PPHLN1: variants seen among roughly 807,000 people sequenced by gnomAD.
PPHLN1 encodes periphilin 1, also known as periphilin-1.
Under a neutral mutation model 51.3 loss-of-function variants are expected in PPHLN1, and 29 were observed. The ratio of observed to expected loss-of-function variants is 0.57; its 90% CI spans 0.42 to 0.77. PPHLN1 has a LOEUF of 0.77. Ranked by LOEUF, PPHLN1 falls within the 30% of genes least tolerant of loss-of-function variation. The pLI, the probability that PPHLN1 is intolerant of heterozygous loss-of-function variation, is 0.00. For synonymous variants in PPHLN1, 147 were observed against 147.8 expected (o/e 0.99, Z 0.04); for missense variants, 436 against 438.4 (o/e 0.99, Z 0.05).
intron 9 of PPHLN1, 56 bp from the exon 10 acceptor site, chr12:42,441,259 A>G: frequency 2.0e-6 from 3 of 1,511,226 alleles, no homozygotes; most frequent in Non-Finnish European, 2.7e-6. Context: ...CAGTTAGCTA[A>G]GTATTTGGCT....
At chr12:42,425,493 TCTC>T (rs2081377266) in intron 9 of PPHLN1, among the ~76,000 whole-genome samples, 1 of 151,954 alleles carries the variant, frequency 6.6e-6, no homozygotes, top group African/African-American at 2.4e-5. Flanking sequence ...TTCAAGCAGT[TCTC>T]CTCCCTCAGC....
intron 2 of PPHLN1, among the ~76,000 whole-genome samples, chr12:42,345,091 A>G (rs779425375): frequency 1.7e-4 from 26 of 152,324 alleles, no homozygotes; most frequent in Middle Eastern, 3.4e-3. Flanking sequence ...AAATGAAAGC[A>G]TTTCCTGTAA....
rs1156422578 is a variant in PPHLN1, at chr12:42,355,190, C to T, written c.267C>T (p.Asp89=). 14 of 1,613,422 alleles carry T rather than the reference C, an allele frequency of 8.7e-6. No homozygotes were observed. The highest frequency in any genetic ancestry group is 6.7e-5 in the African/African-American group (5 of 74,876). ...GDESGYRWTR[D]DHSASRQPEY... is the part of the protein sequence containing the mutation. ...AATCTGGTTATAGATGGACAAGAGA[C>T]GATCATTCTGCAAGCAGGCAACCTG... The change falls in exon 4 of 10, where the codon GAC becomes GAT. Residue 89 remains aspartate, a synonymous_variant. Coordinates refer to ENST00000358314, the MANE Select transcript of PPHLN1 (RefSeq NM_201439.2).
chr12:42,398,573 A>C (rs935272390), intron 8 of PPHLN1: 5 of 254,562 alleles, frequency 2.0e-5, no homozygotes, highest in African/African-American at 1.1e-4. Context: ...ACATGCACTA[A>C]AAATTGGAAT....
At chr12:42,363,833 G>C (rs2074976723) in intron 4 of PPHLN1, among the ~76,000 whole-genome samples, 1 of 151,980 alleles carries the variant, frequency 6.6e-6, no homozygotes, top group Non-Finnish European at 1.5e-5. Flanking sequence ...ATTTCATTTT[G>C]TATCAAAGAA....
At chr12:42,384,838 C>T in intron 5 of PPHLN1, 102 bp from the exon 6 acceptor site, 2 of 1,126,294 alleles carry the variant, frequency 1.8e-6, no homozygotes, top group Non-Finnish European at 2.6e-6. Context: ...AGAAAATGCT[C>T]AGAAGCCCCT....
At chr12:42,388,458 T>C (rs2139081366) in intron 7 of PPHLN1, among the ~76,000 whole-genome samples, 1 of 152,310 alleles carries the variant, frequency 6.6e-6, no homozygotes, top group East Asian at 1.9e-4. Context: ...TCACATGTTT[T>C]CTTGCTGACC....
At chr12:42,338,352 G>A (rs1014933163) in intron 2 of PPHLN1, among the ~76,000 whole-genome samples, 19 of 152,220 alleles carry the variant, frequency 1.2e-4, no homozygotes, top group African/African-American at 4.6e-4. Context: ...GGGAAAGCAG[G>A]TTATTGTATC....
At chr12:42,347,659 A>G (rs1458393091) in intron 2 of PPHLN1, among the ~76,000 whole-genome samples, 1 of 152,180 alleles carries the variant, frequency 6.6e-6, no homozygotes, top group African/African-American at 2.4e-5. Context: ...ATGCACCTGT[A>G]ATCCCAACTA....
chr12:42,355,265 C>A (rs754086289), intron 4 of PPHLN1, 43 bp downstream of exon 4: 2 of 1,520,054 alleles, frequency 1.3e-6, no homozygotes. Context: ...TGATACTTGA[C>A]TCACTGTGAT....
intron 2 of PPHLN1, 29 bp downstream of exon 2, chr12:42,336,003 C>A (rs2070594753): frequency 2.1e-6 from 3 of 1,414,224 alleles, no homozygotes; most frequent in Admixed American, 4.3e-5. Context: ...TTGAATGATT[C>A]AAAAACCTGG....
intron 9 of PPHLN1, among the ~76,000 whole-genome samples, chr12:42,406,251 T>C (rs2079295597): frequency 6.6e-6 from 1 of 152,032 alleles, no homozygotes; most frequent in Non-Finnish European, 1.5e-5. Flanking sequence ...GCCCGGCTAA[T>C]TTTTTGTATT....
intron 9 of PPHLN1, among the ~76,000 whole-genome samples, chr12:42,417,919 AGTTTT>A (rs1565988522): frequency 1.1e-5 from 1 of 94,570 alleles, no homozygotes; most frequent in African/African-American, 4.8e-5. Flanking sequence ...AAAAAGCCCT[AGTTTT>A]TTTTTTTGTT....
intron 1 of PPHLN1, among the ~76,000 whole-genome samples, chr12:42,327,585 C>T (rs1181212643): frequency 1.3e-5 from 2 of 152,168 alleles, no homozygotes; most frequent in Non-Finnish European, 2.9e-5. Flanking sequence ...GAGGGGTATA[C>T]CCTAACTTCC....
intron 5 of PPHLN1, among the ~76,000 whole-genome samples, chr12:42,377,477 A>G (rs992161728): frequency 6.6e-6 from 1 of 151,580 alleles, no homozygotes; most frequent in African/African-American, 2.4e-5. Flanking sequence ...AGGTAATTTT[A>G]TATTTTAGTA....
chr12:42,430,591 G>A lies in PPHLN1; in HGVS notation c.910-10724G>A, dbSNP rs145857489. ...GGCTCACTGCAACCTCCGCCTTCCC[G>A]GTTCAAGCAATTCTGCCCCAGCCTC... is the stretch of plus-strand genomic sequence containing the variant. On this transcript the variant is annotated intron_variant, in intron 9 of 9. Transcript: ENST00000358314. Among the ~76,000 whole-genome samples, 865 of 151,966 alleles carry A rather than the reference G, an allele frequency of 5.7e-3. 6 individuals carry two copies. The highest frequency in any genetic ancestry group is 0.02 in the African/African-American group (826 of 41,428).
intron 5 of PPHLN1, among the ~76,000 whole-genome samples, chr12:42,376,215 T>C (rs781616351): frequency 3.3e-5 from 5 of 152,212 alleles, no homozygotes; most frequent in Admixed American, 6.5e-5. Flanking sequence ...GTCCAGGATA[T>C]TTCCTTTTCA....
Position 42,441,364 on chromosome 12 carries a change from T to C in PPHLN1, c.959T>C (p.Ile320Thr). The C allele has an allele frequency of 2.5e-6, 4 of 1,613,716 alleles. No individual in the cohort carries two copies. Among genetic ancestry groups the C allele is most frequent in the Non-Finnish European group, 3.4e-6 (4 of 1,179,818 alleles). Reference protein sequence around the residue: ...ETFGMVVKMLIEKDPSLEKSI... With the variant: ...ETFGMVVKMLTEKDPSLEKSI... ...TTCGGGATGGTGGTGAAAATGCTGA[T>C]TGAAAAAGATCCTTCATTAGAAAAG... The change falls in exon 10 of 10, where the codon ATT (isoleucine) becomes ACT (threonine). Residue 320 changes from isoleucine to threonine, a missense_variant. Coordinates refer to ENST00000358314, the MANE Select transcript of PPHLN1 (RefSeq NM_201439.2).
intron 4 of PPHLN1, among the ~76,000 whole-genome samples, chr12:42,366,751 A>G (rs1312702822): frequency 1.3e-5 from 2 of 152,072 alleles, no homozygotes; most frequent in Non-Finnish European, 2.9e-5. Context: ...ATTTTTAAAG[A>G]TTAAGTGTCT....
Sources: allele counts gnomAD v4.1 joint callset (sites outside exome capture counted in the v4.1 genomes callset), GRCh38; gene constraint gnomAD v4.1.1; transcripts MANE v1.5; gene names NCBI Gene and HGNC (gene_info 2026-07-23, HGNC 2026-07-21).